The following CRACDL variants were observed in gnomAD, a reference collection of about 807,000 sequenced individuals.
The protein encoded by CRACDL is CRACD-like protein.
In CRACDL, 26 loss-of-function variants were observed where a neutral mutation model predicts 70.6. The observed-to-expected ratio is 0.37, with a 90% CI of 0.27 to 0.51. The LOEUF (loss-of-function observed/expected upper bound fraction) is 0.51. Ranked by LOEUF, CRACDL falls within the 20% of genes least tolerant of loss-of-function variation. The pLI is 0.94. For missense variants in CRACDL, 1,283 were observed against 1,376.9 expected, an observed-to-expected ratio of 0.93 and a Z score of 1.08; for synonymous variants, 618 against 615.2, an observed-to-expected ratio of 1.00 and a Z score of -0.07.
At chr2:98,934,436 C>A (rs1709159316) in intron 1 of CRACDL, among the ~76,000 whole-genome samples, 2 of 152,034 alleles carry the variant, frequency 1.3e-5, no homozygotes, top group South Asian at 4.2e-4. Context: ...CTCAGGCAAT[C>A]CACCTGCCTC....
chr2:98,811,536 AAAAG>A (rs1704563437), intron 7 of CRACDL, among the ~76,000 whole-genome samples: 1 of 151,632 alleles, frequency 6.6e-6, no homozygotes, highest in African/African-American at 2.4e-5. Context: ...AAAAAAAAAA[AAAAG>A]AAAATTATTC....
At chr2:98,914,127 G>C (rs959563691) in intron 1 of CRACDL, among the ~76,000 whole-genome samples, 26 of 152,238 alleles carry the variant, frequency 1.7e-4, no homozygotes, top group Admixed American at 1.7e-3. Context: ...TCATGACTAG[G>C]AGCCAGGAAG....
intron 7 of CRACDL, among the ~76,000 whole-genome samples, chr2:98,814,867 C>G (rs968089496): frequency 3.3e-5 from 5 of 152,156 alleles, no homozygotes; most frequent in Non-Finnish European, 5.9e-5. Flanking sequence ...TTGTTAGGGA[C>G]ACACACATTT....
chr2:98,894,841 C>T (rs376500776), intron 1 of CRACDL, among the ~76,000 whole-genome samples: 25 of 152,146 alleles, frequency 1.6e-4, no homozygotes, highest in African/African-American at 6.0e-4. Flanking sequence ...CATGGTGGCT[C>T]ATGTCTGTAA....
chr2:98,823,205 G>T lies in CRACDL; in HGVS notation c.1068C>A (p.Ser356=), dbSNP rs942611100. ...CGGGATTCGGGGGGCCCTCCGGCGG[G>T]GACGGGGGCTCCACGCGGAGAGTGG... ...SAPTLRVEPP[S]PPEGPPNPGP... Residue 356 remains serine (S), a synonymous_variant, in exon 7 of 10, where the codon TCC becomes TCA. Transcript: ENST00000397899. This position sits in a 1 kb window ranked among gnomAD's most constrained non-coding sequence, Gnocchi z 4.0. 7.0e-7 allele frequency: 1 copy of T among 1,435,368 alleles called. No individual in the cohort carries two copies. 88.9% of individuals were successfully genotyped at this position (1,435,368 alleles called of 1,614,324 possible).
intron 7 of CRACDL, chr2:98,809,791 A>C (rs1704479366): frequency 6.6e-6 from 1 of 152,220 alleles, no homozygotes; most frequent in South Asian, 2.1e-4. Context: ...TGAGATGAGA[A>C]TATTTTAGTA....
intron 1 of CRACDL, among the ~76,000 whole-genome samples, chr2:98,887,288 C>G (rs1707825313): frequency 6.6e-6 from 1 of 152,028 alleles, no homozygotes. Flanking sequence ...AGTTCAAGAC[C>G]AGCTTGGGCA....
chr2:98,812,627 G>C (rs1357864520), intron 7 of CRACDL, among the ~76,000 whole-genome samples: 1 of 151,604 alleles, frequency 6.6e-6, no homozygotes, highest in African/African-American at 2.4e-5. Context: ...ATTTTCAGGT[G>C]CTTATTTGCC....
chr2:98,889,002 C>T (rs555971210), intron 1 of CRACDL, among the ~76,000 whole-genome samples: 1 of 151,730 alleles, frequency 6.6e-6, no homozygotes, highest in East Asian at 1.9e-4. Flanking sequence ...GTGGTATGCA[C>T]CTATAGTCCC....
intron 1 of CRACDL, among the ~76,000 whole-genome samples, chr2:98,894,068 C>A (rs1185979151): frequency 3.9e-5 from 6 of 152,122 alleles, no homozygotes; most frequent in Non-Finnish European, 8.8e-5. Context: ...TCAGCTACTC[C>A]GTGCCTGCAC....
intron 5 of CRACDL, among the ~76,000 whole-genome samples, chr2:98,830,795 G>C (rs1372765796): frequency 6.6e-6 from 1 of 152,152 alleles, no homozygotes; most frequent in African/African-American, 2.4e-5. Context: ...CATGGGTTTG[G>C]AGATAGGCTT....
At chr2:98,886,507 T>TTGAGA (rs1263282198) in intron 1 of CRACDL, among the ~76,000 whole-genome samples, 1 of 152,206 alleles carries the variant, frequency 6.6e-6, no homozygotes, top group Non-Finnish European at 1.5e-5. Context: ...AAGGCTGATC[T>TTGAGA]TGAGATTCTG....
chr2:98,909,614 C>A (rs1708495693), intron 1 of CRACDL, among the ~76,000 whole-genome samples: 1 of 152,228 alleles, frequency 6.6e-6, no homozygotes, highest in Non-Finnish European at 1.5e-5. Context: ...CTCCCTCCAG[C>A]ACATTTCTGC....
At chr2:98,832,148 G>A (rs895224623) in intron 5 of CRACDL, among the ~76,000 whole-genome samples, 200 bp downstream of exon 5, 6 of 152,008 alleles carry the variant, frequency 3.9e-5, no homozygotes, top group Admixed American at 6.6e-5. Context: ...CCAAAACCAC[G>A]TCTCCTAACC....
intron 2 of CRACDL, among the ~76,000 whole-genome samples, chr2:98,842,416 G>T (rs1706067698): frequency 1.3e-5 from 2 of 151,304 alleles, no homozygotes; most frequent in Non-Finnish European, 3.0e-5. Flanking sequence ...AAATTCCTTT[G>T]TTTTTCAAAT....
chr2:98,823,172 G>A lies in CRACDL; in HGVS notation c.1101C>T (p.Asp367=). The change falls in exon 7 of 10, where the codon GAC becomes GAT. Residue 367 remains aspartate (D), a synonymous_variant. Coordinates refer to ENST00000397899, the MANE Select transcript of CRACDL (RefSeq NM_207362.3). The surrounding 1 kb of genome is among the most constrained non-coding windows in gnomAD (Gnocchi z 4.0). Reference sequence around the variant, plus strand: ...GCGCCTCCCCATCCTGCTTTCCGCCGTCGGGACCGGGATTCGGGGGGCCCT... The same window carrying A: ...GCGCCTCCCCATCCTGCTTTCCGCCATCGGGACCGGGATTCGGGGGGCCCT... ...PPEGPPNPGP[D]GGKQDGEAPP... 3.3e-6 allele frequency: 5 copies of A among 1,524,092 alleles called. No individual in the cohort carries two copies. Among genetic ancestry groups the A allele is most frequent in the Admixed American group, 2.1e-5 (1 of 48,774 alleles). 94.4% of individuals were successfully genotyped at this position (1,524,092 alleles called of 1,614,324 possible). A position where few individuals can be genotyped will look rare whatever the true frequency, so the allele number is the denominator to read the frequency against.
intron 1 of CRACDL, among the ~76,000 whole-genome samples, chr2:98,868,011 A>G (rs535163063): frequency 6.6e-6 from 1 of 152,330 alleles, no homozygotes; most frequent in Admixed American, 6.5e-5. Flanking sequence ...TATTACCAAG[A>G]CATAACATCA....
intron 1 of CRACDL, among the ~76,000 whole-genome samples, chr2:98,929,335 GC>G (rs1709013665): frequency 6.6e-6 from 1 of 152,200 alleles, no homozygotes; most frequent in Non-Finnish European, 1.5e-5. Context: ...ACCTGGTGTG[GC>G]CCCTGTGCCC....
chr2:98,817,499 C>T (rs1043337613), intron 7 of CRACDL, among the ~76,000 whole-genome samples: 5 of 152,236 alleles, frequency 3.3e-5, no homozygotes, highest in South Asian at 4.1e-4. Flanking sequence ...TAAAAAAGGA[C>T]GACAGTCTCT....
Sources: gnomAD v4.1 joint callset for allele counts (sites outside exome capture counted in the v4.1 genomes callset) on GRCh38, gnomAD v4.1.1 for gene constraint, Gnocchi (gnomAD v3.1) non-coding constraint, MANE v1.5 for transcripts, NCBI Gene and HGNC (gene_info 2026-07-23, HGNC 2026-07-21) for gene names.